KIF26B: variants seen among roughly 807,000 people sequenced by gnomAD.
The protein encoded by KIF26B is kinesin-like protein KIF26B.
Under a neutral mutation model 151.2 loss-of-function variants are expected in KIF26B, and 63 were observed. The observed-to-expected ratio is 0.42, with a 90% CI of 0.34 to 0.51. The LOEUF (loss-of-function observed/expected upper bound fraction) is 0.51, where lower values mean the gene tolerates loss of function less well. KIF26B is among the 20% of genes least tolerant of loss of function. The pLI is 0.07. For missense variants in KIF26B, 2,813 were observed against 2,913.6 expected (o/e 0.97, Z 0.79); for synonymous variants, 1,357 against 1,262.1 (o/e 1.08, Z -1.59).
At chr1:245,668,562 C>T (rs2044244003) in intron 10 of KIF26B, among the ~76,000 whole-genome samples, 1 of 152,202 alleles carries the variant, frequency 6.6e-6, no homozygotes, top group Non-Finnish European at 1.5e-5. Flanking sequence ...AAGCATTCTT[C>T]AGCTTAATTT....
chr1:245,412,861 A>G (rs879373581), intron 3 of KIF26B, among the ~76,000 whole-genome samples: 1 of 152,180 alleles, frequency 6.6e-6, no homozygotes, highest in Admixed American at 6.5e-5. Context: ...ATTCTCATGG[A>G]CGTTGAGAAT....
chr1:245,380,948 A>C (rs1323298670), intron 3 of KIF26B, among the ~76,000 whole-genome samples: 26 of 148,120 alleles, frequency 1.8e-4, no homozygotes, highest in Admixed American at 1.5e-3. Context: ...TGATGGGCCA[A>C]AAAGATGAAA....
At chr1:245,326,000 A>T (rs546423730) in intron 2 of KIF26B, among the ~76,000 whole-genome samples, 1 of 152,118 alleles carries the variant, frequency 6.6e-6, no homozygotes, top group African/African-American at 2.4e-5. Flanking sequence ...AAGCAACAAC[A>T]TTGTCAACTG....
chr1:245,365,162 G>A (rs919591795), intron 2 of KIF26B, among the ~76,000 whole-genome samples: 39 of 152,176 alleles, frequency 2.6e-4, no homozygotes, highest in African/African-American at 6.8e-4. Context: ...CCTGCTACAC[G>A]CTCTGAGTTG....
At chr1:245,387,394 G>C (rs35669668) in intron 3 of KIF26B, among the ~76,000 whole-genome samples, 103,020 of 151,376 alleles carry the variant, frequency 0.68, 35,248 homozygotes, top group African/African-American at 0.75. Context: ...CAAACTCTAA[G>C]CTCAGGTGAT....
At chr1:245,246,296 G>A (rs1359704890) in intron 2 of KIF26B, among the ~76,000 whole-genome samples, 2 of 152,262 alleles carry the variant, frequency 1.3e-5, no homozygotes, top group Middle Eastern at 3.4e-3. Flanking sequence ...CTGAGCCAAC[G>A]CTCTGCTCTT....
At chr1:245,292,052 C>T (rs1671261427) in intron 2 of KIF26B, among the ~76,000 whole-genome samples, 1 of 152,166 alleles carries the variant, frequency 6.6e-6, no homozygotes, top group Non-Finnish European at 1.5e-5. Flanking sequence ...TTTTTAAAAT[C>T]ATCCTGGGCT....
chr1:245,218,167 T>G lies in KIF26B; in HGVS notation c.465+61484T>G, dbSNP rs2103547450. ...ATGGTGGGGGCCCCAGAACTCAGGC[T>G]GGGAATCCCAGGGGCTACTCCAGCT... On this transcript the variant is annotated intron_variant, in intron 2 of 14. Coordinates refer to ENST00000407071, the MANE Select transcript of KIF26B (RefSeq NM_018012.4). This position sits in a 1 kb window ranked among gnomAD's most constrained non-coding sequence, Gnocchi z 4.1. Among the ~76,000 whole-genome samples, 1 of 152,290 alleles carries G rather than the reference T, an allele frequency of 6.6e-6. No homozygotes were observed. The highest frequency in any genetic ancestry group is 2.4e-5 in the African/African-American group (1 of 41,566).
chr1:245,697,115 AC>A (rs1251531924), intron 12 of KIF26B, among the ~76,000 whole-genome samples: 2 of 152,158 alleles, frequency 1.3e-5, no homozygotes, highest in Admixed American at 1.3e-4. Flanking sequence ...CCTCTCAAAA[AC>A]AGTGAGGTTT....
intron 3 of KIF26B, among the ~76,000 whole-genome samples, chr1:245,416,825 G>C (rs1177186423): frequency 6.6e-6 from 1 of 152,146 alleles, no homozygotes; most frequent in African/African-American, 2.4e-5. Context: ...GCCAAATCCT[G>C]GTCTGTTATT....
chr1:245,489,774 C>T (rs1398929844), intron 4 of KIF26B, among the ~76,000 whole-genome samples: 1 of 152,198 alleles, frequency 6.6e-6, no homozygotes, highest in Admixed American at 6.5e-5. Flanking sequence ...TCTCTTTAGA[C>T]ATTGCTAATG....
intron 3 of KIF26B, among the ~76,000 whole-genome samples, chr1:245,409,182 T>C (rs1674214667): frequency 6.6e-6 from 1 of 152,214 alleles, no homozygotes; most frequent in South Asian, 2.1e-4. Context: ...AACTGCAAGC[T>C]TCATGGTGGG....
intron 10 of KIF26B, among the ~76,000 whole-genome samples, chr1:245,678,675 A>G (rs924492778): frequency 3.3e-5 from 5 of 152,130 alleles, no homozygotes; most frequent in South Asian, 4.2e-4. Context: ...CATCGTGGCC[A>G]ACATGGTGAA....
intron 2 of KIF26B, among the ~76,000 whole-genome samples, chr1:245,247,719 T>C (rs917059672): frequency 6.6e-6 from 1 of 152,178 alleles, no homozygotes; most frequent in Admixed American, 6.5e-5. Context: ...CATGAAGACA[T>C]GTTGAAGAAC....
chr1:245,488,057 G>A lies in KIF26B; in HGVS notation c.1167-52710G>A, dbSNP rs1031522735. 6.6e-6 allele frequency among the ~76,000 whole-genome samples: 1 copy of A among 151,988 alleles called. No homozygotes were observed. Among genetic ancestry groups the A allele is most frequent in the Non-Finnish European group, 1.5e-5 (1 of 68,008 alleles). On this transcript the variant is annotated intron_variant, in intron 4 of 14. Coordinates refer to ENST00000407071, the MANE Select transcript of KIF26B (RefSeq NM_018012.4). This position sits in a 1 kb window ranked among gnomAD's most constrained non-coding sequence, Gnocchi z 4.6. The stretch of plus-strand genomic sequence containing the variant: ...CCCACCTCAGCCTGCCAAAGTGCTG[G>A]GATTACAGGCATGAGCTGCCACGCC...
chr1:245,455,814 C>T (rs921121786), intron 4 of KIF26B, among the ~76,000 whole-genome samples: 16 of 152,202 alleles, frequency 1.1e-4, no homozygotes, highest in East Asian at 3.9e-4. Flanking sequence ...GTCTTCTCTG[C>T]GTCTCCCTCA....
chr1:245,439,646 C>T (rs1016212072), intron 4 of KIF26B, among the ~76,000 whole-genome samples: 16 of 151,982 alleles, frequency 1.1e-4, no homozygotes, highest in African/African-American at 3.4e-4. Flanking sequence ...GTAGAATAAA[C>T]GGGAAGAAAT....
intron 2 of KIF26B, among the ~76,000 whole-genome samples, chr1:245,221,526 C>A (rs184128527): frequency 2.0e-5 from 3 of 152,130 alleles, no homozygotes; most frequent in African/African-American, 7.2e-5. Context: ...CCTGCCTCAG[C>A]CACCCAAATA....
At chr1:245,635,486 T>C (rs2043825364) in intron 9 of KIF26B, among the ~76,000 whole-genome samples, 1 of 152,176 alleles carries the variant, frequency 6.6e-6, no homozygotes. Flanking sequence ...ATTCCTGATA[T>C]TGATCATTTG....
Sources: allele counts gnomAD v4.1 joint callset (sites outside exome capture counted in the v4.1 genomes callset), GRCh38; gene constraint gnomAD v4.1.1; non-coding constraint Gnocchi (gnomAD v3.1); transcripts MANE v1.5; gene names NCBI Gene and HGNC (gene_info 2026-07-23, HGNC 2026-07-21).